Variants in DLG2 observed in about 807,000 individuals in gnomAD.
DLG2 encodes disks large homolog 2.
Under a neutral mutation model 132.5 loss-of-function variants are expected in DLG2, and 45 were observed. The observed-to-expected ratio is 0.34, with a 90% CI of 0.27 to 0.44. The LOEUF (loss-of-function observed/expected upper bound fraction) is 0.44. DLG2 is among the 20% of genes least tolerant of loss of function. The pLI, the probability that DLG2 is intolerant of heterozygous loss-of-function variation, is 1.00. For synonymous variants in DLG2, 424 were observed against 419.6 expected (o/e 1.01, Z -0.13); for missense variants, 1,045 against 1,196.9 (o/e 0.87, Z 1.87).
intron 3 of DLG2, among the ~76,000 whole-genome samples, chr11:85,454,479 G>C (rs898556312): frequency 2.6e-5 from 4 of 151,708 alleles, no homozygotes; most frequent in Non-Finnish European, 5.9e-5. Flanking sequence ...CATTCTTTAG[G>C]TTGTATCTTT....
chr11:84,215,161 T>C (rs1026124673), intron 8 of DLG2, among the ~76,000 whole-genome samples: 1 of 152,182 alleles, frequency 6.6e-6, no homozygotes, highest in Non-Finnish European at 1.5e-5. Flanking sequence ...AGTTGATACA[T>C]AGGTCCGAAA....
chr11:83,593,758 T>A (rs1594080633), intron 19 of DLG2, among the ~76,000 whole-genome samples: 1 of 151,744 alleles, frequency 6.6e-6, no homozygotes, highest in Admixed American at 6.6e-5. Flanking sequence ...GAAGTTGATA[T>A]TTGTAAAAAC....
At chr11:84,626,025 T>C (rs2099621949) in intron 6 of DLG2, among the ~76,000 whole-genome samples, 1 of 152,228 alleles carries the variant, frequency 6.6e-6, no homozygotes, top group Non-Finnish European at 1.5e-5. Flanking sequence ...TTTATCATAA[T>C]AATTATGATA....
intron 11 of DLG2, among the ~76,000 whole-genome samples, chr11:83,981,950 A>C (rs757162733): frequency 5.3e-5 from 8 of 152,188 alleles, no homozygotes; most frequent in Non-Finnish European, 1.0e-4. Context: ...TAGAGTACAC[A>C]TACGATGATG....
chr11:83,520,154 C>A (rs188568036), intron 21 of DLG2, among the ~76,000 whole-genome samples: 12 of 152,210 alleles, frequency 7.9e-5, no homozygotes, highest in Non-Finnish European at 1.3e-4. Context: ...ACATAAAAGG[C>A]GAATGGCATA....
At chr11:84,777,061 C>T (rs1422427274) in intron 6 of DLG2, among the ~76,000 whole-genome samples, 7 of 151,450 alleles carry the variant, frequency 4.6e-5, no homozygotes, top group Admixed American at 1.3e-4. Flanking sequence ...CTCACCTTTG[C>T]GAGTCTTGGG....
chr11:83,535,479 C>T (rs966691155), intron 20 of DLG2, among the ~76,000 whole-genome samples: 11 of 152,082 alleles, frequency 7.2e-5, no homozygotes, highest in Admixed American at 3.3e-4. Flanking sequence ...TATGTTTATC[C>T]TTTTCAATTT....
intron 3 of DLG2, among the ~76,000 whole-genome samples, chr11:85,359,585 C>T (rs575488788): frequency 1.4e-4 from 22 of 152,306 alleles, no homozygotes; most frequent in African/African-American, 5.1e-4. Flanking sequence ...TGCCCTTAAG[C>T]ACCTCTTAAT....
rs200180622 is a variant in DLG2, at chr11:83,510,312, AC to A, written c.2193+22395del. 2.8e-3 allele frequency among the ~76,000 whole-genome samples: 415 copies of A among 147,152 alleles called. 4 individuals carry two copies. The highest frequency in any genetic ancestry group is 9.7e-3 in the African/African-American group (389 of 40,182). Reference sequence around the variant, plus strand: ...TTCAGGAGCTGACAGTGCGCTCTTTACCCCCCACCATCTGATGTCACTCCAG... The same window carrying A: ...TTCAGGAGCTGACAGTGCGCTCTTTACCCCCACCATCTGATGTCACTCCAG... On this transcript the variant is annotated intron_variant, in intron 21 of 27. Coordinates refer to ENST00000376104, the MANE Select transcript of DLG2 (RefSeq NM_001142699.3).
intron 21 of DLG2, among the ~76,000 whole-genome samples, chr11:83,529,312 C>T (rs1213021019): frequency 1.3e-5 from 2 of 152,158 alleles, no homozygotes; most frequent in African/African-American, 4.8e-5. Context: ...GCTTTCCCAA[C>T]TCTCCACATA....
chr11:83,932,890 G>A (rs1326985418), intron 14 of DLG2, among the ~76,000 whole-genome samples: 1 of 152,082 alleles, frequency 6.6e-6, no homozygotes, highest in Non-Finnish European at 1.5e-5. Context: ...TATAGCATGT[G>A]CGCATGGTTC....
At chr11:84,497,452 C>T (rs1310811935) in intron 7 of DLG2, among the ~76,000 whole-genome samples, 1 of 151,958 alleles carries the variant, frequency 6.6e-6, no homozygotes, top group Non-Finnish European at 1.5e-5. Flanking sequence ...GAGTATATAT[C>T]CCACTATCCA....
intron 18 of DLG2, among the ~76,000 whole-genome samples, chr11:83,697,611 T>A (rs1393387633): frequency 6.6e-6 from 1 of 152,170 alleles, no homozygotes; most frequent in Non-Finnish European, 1.5e-5. Context: ...ACATGTAAGC[T>A]AGAAAGACCA....
At chr11:84,881,591 G>T (rs2087352592) in intron 6 of DLG2, among the ~76,000 whole-genome samples, 1 of 151,474 alleles carries the variant, frequency 6.6e-6, no homozygotes, top group African/African-American at 2.4e-5. Flanking sequence ...CCTGTTGGAT[G>T]CTTATTACCC....
At chr11:84,339,774 T>C (rs2154405208) in intron 7 of DLG2, among the ~76,000 whole-genome samples, 1 of 152,362 alleles carries the variant, frequency 6.6e-6, no homozygotes, top group South Asian at 2.1e-4. Context: ...GTCTTATTTT[T>C]ACTCATAGAG....
chr11:84,514,724 G>A (rs746950813), intron 7 of DLG2, among the ~76,000 whole-genome samples: 3 of 151,912 alleles, frequency 2.0e-5, no homozygotes, highest in Non-Finnish European at 4.4e-5. Flanking sequence ...AAGTTGTATA[G>A]TTAGAGTGAA....
At chr11:83,938,888 A>G (rs999949835) in intron 14 of DLG2, among the ~76,000 whole-genome samples, 3 of 152,214 alleles carry the variant, frequency 2.0e-5, no homozygotes, top group African/African-American at 7.2e-5. Context: ...TTTCCCTTCA[A>G]GATAACGCTG....
At chr11:84,822,514 G>A (rs753696716) in intron 6 of DLG2, among the ~76,000 whole-genome samples, 1 of 151,802 alleles carries the variant, frequency 6.6e-6, no homozygotes, top group East Asian at 1.9e-4. Flanking sequence ...CTCAAAAGTT[G>A]TTTATGAAAC....
chr11:83,600,236 G>GGTGTGT (rs57674131), intron 19 of DLG2, among the ~76,000 whole-genome samples: 12,769 of 145,482 alleles, frequency 0.088, 752 homozygotes, highest in African/African-American at 0.16. Context: ...CTAGCTATAG[G>GGTGTGT]GTGTGTGTGT....
Sources: gnomAD v4.1 joint callset for allele counts (sites outside exome capture counted in the v4.1 genomes callset) on GRCh38, gnomAD v4.1.1 for gene constraint, MANE v1.5 for transcripts, NCBI Gene and HGNC (gene_info 2026-07-23, HGNC 2026-07-21) for gene names.